Variants in MSRA observed in about 807,000 individuals in gnomAD.
MSRA encodes the protein mitochondrial peptide methionine sulfoxide reductase.
A neutral mutation model predicts 31.3 loss-of-function variants in MSRA; 54 were observed. The observed-to-expected ratio is 1.73, with a 90% CI of 1.39 to 2.17. The LOEUF (loss-of-function observed/expected upper bound fraction) is 2.17, where lower values mean the gene tolerates loss of function less well. Ranked by LOEUF, MSRA falls within the 30% of genes most tolerant of loss-of-function variation. The pLI, the probability that MSRA is intolerant of heterozygous loss-of-function variation, is 0.00. For missense variants in MSRA, 507 were observed against 300.9 expected, an observed-to-expected ratio of 1.69 and a Z score of -5.07; for synonymous variants, 169 against 116.5, an observed-to-expected ratio of 1.45 and a Z score of -2.90.
chr8:10,221,789 G>C (rs940995617), intron 2 of MSRA, among the ~76,000 whole-genome samples: 1 of 145,536 alleles, frequency 6.9e-6, no homozygotes, highest in Admixed American at 7.0e-5. Flanking sequence ...AAATAACATA[G>C]TCAGAGAAGT....
chr8:10,139,901 T>C (rs1802563387), intron 1 of MSRA, among the ~76,000 whole-genome samples: 1 of 152,218 alleles, frequency 6.6e-6, no homozygotes, highest in South Asian at 2.1e-4. Context: ...AAAGTGCCCA[T>C]ATTTTATTTG....
At chr8:10,305,996 A>G (rs1026848261) in intron 4 of MSRA, among the ~76,000 whole-genome samples, 2 of 152,342 alleles carry the variant, frequency 1.3e-5, no homozygotes, top group South Asian at 2.1e-4. Flanking sequence ...GTTTAAGCCA[A>G]TAGGTTCTAT....
intron 5 of MSRA, among the ~76,000 whole-genome samples, chr8:10,364,953 C>G (rs566644433): frequency 5.3e-5 from 8 of 152,218 alleles, no homozygotes; most frequent in South Asian, 4.2e-4. Context: ...GAGTTAGGCT[C>G]CTTATTTAAC....
intron 1 of MSRA, among the ~76,000 whole-genome samples, chr8:10,139,361 T>G (rs1802513174): frequency 6.6e-6 from 1 of 152,186 alleles, no homozygotes; most frequent in Admixed American, 6.5e-5. Flanking sequence ...CTTCTCATGA[T>G]CTTTATTTTC....
At chr8:10,110,195 A>G (rs1191704571) in intron 1 of MSRA, among the ~76,000 whole-genome samples, 2 of 152,220 alleles carry the variant, frequency 1.3e-5, no homozygotes, top group Non-Finnish European at 2.9e-5. Context: ...ATTAATTAAT[A>G]TCTTTGTGAA....
chr8:10,059,786 TAAA>T (rs1041714780), intron 1 of MSRA, among the ~76,000 whole-genome samples: 3 of 152,122 alleles, frequency 2.0e-5, no homozygotes, highest in African/African-American at 7.2e-5. Flanking sequence ...CTTCTAGAAA[TAAA>T]AACACCAACA....
At chr8:10,090,842 C>A (rs981456841) in intron 1 of MSRA, among the ~76,000 whole-genome samples, 2 of 152,210 alleles carry the variant, frequency 1.3e-5, no homozygotes, top group Non-Finnish European at 2.9e-5. Context: ...AAAGGCCCAT[C>A]CATGCCATTG....
At chr8:10,385,543 G>T (rs748002616) in intron 5 of MSRA, among the ~76,000 whole-genome samples, 7 of 152,124 alleles carry the variant, frequency 4.6e-5, no homozygotes, top group Non-Finnish European at 7.4e-5. Flanking sequence ...GGCAGGAGGG[G>T]CAGAGGAGTG....
chr8:10,059,599 G>GT (rs1486870544), intron 1 of MSRA, among the ~76,000 whole-genome samples: 11 of 152,120 alleles, frequency 7.2e-5, no homozygotes, highest in Non-Finnish European at 1.2e-4. Context: ...ATCGGAAAAC[G>GT]TAAGACTGAT....
intron 3 of MSRA, among the ~76,000 whole-genome samples, chr8:10,271,758 G>A (rs2975665): frequency 7.2e-6 from 1 of 139,254 alleles, no homozygotes; most frequent in African/African-American, 2.7e-5. Context: ...TGCTCTTGTC[G>A]CCCAGGCTGG....
At chr8:10,260,298 G>T (rs918366171) in intron 3 of MSRA, among the ~76,000 whole-genome samples, 1 of 152,132 alleles carries the variant, frequency 6.6e-6, no homozygotes, top group Non-Finnish European at 1.5e-5. Context: ...ATACCACCAC[G>T]CCTGGCCAGT....
rs1311804755 is a variant in MSRA, at chr8:10,326,692, A to C, written c.543+6703A>C. ...GACTTGATAATCTTTTCTTAGCCTC[A>C]TTAAAAAAAAAATTTTCCTCAAATC... On this transcript the variant is annotated intron_variant, in intron 5 of 5. Transcript: ENST00000317173. 3.3e-5 allele frequency: 5 copies of C among 152,286 alleles called. No homozygotes were observed. The East Asian group carries it at 9.6e-4, about 29-fold the overall frequency. 9.4% of individuals were successfully genotyped at this position (152,286 alleles called of 1,614,324 possible).
At chr8:10,254,250 C>G (rs1798064371) in intron 3 of MSRA, among the ~76,000 whole-genome samples, 1 of 152,204 alleles carries the variant, frequency 6.6e-6, no homozygotes, top group East Asian at 1.9e-4. Context: ...AGGGTGACCA[C>G]CTACCCACAA....
intron 3 of MSRA, among the ~76,000 whole-genome samples, chr8:10,278,202 T>C (rs1438988954): frequency 2.0e-5 from 3 of 152,142 alleles, no homozygotes; most frequent in Non-Finnish European, 4.4e-5. Context: ...GGGGTGGGGT[T>C]GCCACTTGGT....
At chr8:10,401,360 C>T (rs1436962019) in intron 5 of MSRA, among the ~76,000 whole-genome samples, 1 of 152,112 alleles carries the variant, frequency 6.6e-6, no homozygotes, top group African/African-American at 2.4e-5. Flanking sequence ...AGTGAGAAAC[C>T]ACTTCAGACC....
chr8:10,168,576 C>T (rs143683143), intron 1 of MSRA, among the ~76,000 whole-genome samples: 62 of 152,256 alleles, frequency 4.1e-4, no homozygotes, highest in Middle Eastern at 3.4e-3. Flanking sequence ...AGTAGCAAAA[C>T]CCCTATACGA....
chr8:10,057,804 C>T (rs1163999154), intron 1 of MSRA, among the ~76,000 whole-genome samples: 1 of 152,188 alleles, frequency 6.6e-6, no homozygotes, highest in Non-Finnish European at 1.5e-5. Flanking sequence ...TGAGGCCTCC[C>T]TGGCCATGCT....
intron 4 of MSRA, among the ~76,000 whole-genome samples, chr8:10,315,120 T>C (rs557288384): frequency 1.3e-5 from 2 of 152,278 alleles, no homozygotes; most frequent in African/African-American, 2.4e-5. Context: ...ATGAGACTTA[T>C]TCACTGTCAT....
chr8:10,290,285 C>G (rs1800161120), intron 3 of MSRA, among the ~76,000 whole-genome samples: 1 of 152,178 alleles, frequency 6.6e-6, no homozygotes, highest in Non-Finnish European at 1.5e-5. Context: ...GGATTTCTAG[C>G]AATTAGGACA....
Sources: gnomAD v4.1 joint callset for allele counts (sites outside exome capture counted in the v4.1 genomes callset) on GRCh38, gnomAD v4.1.1 for gene constraint, MANE v1.5 for transcripts, NCBI Gene and HGNC (gene_info 2026-07-23, HGNC 2026-07-21) for gene names.